Variants in ADD1 observed in about 807,000 individuals in gnomAD.
The protein encoded by ADD1 is adducin 1.
Under a neutral mutation model 80.5 loss-of-function variants are expected in ADD1, and 24 were observed. The ratio of observed to expected loss-of-function variants is 0.30; its 90% confidence interval spans 0.22 to 0.42. The LOEUF is 0.42. ADD1 is among the 10% of genes least tolerant of loss of function. The probability of loss-of-function intolerance (pLI) is 1.00; values close to 1 mark genes in which losing one functional copy is unlikely to be tolerated. For synonymous variants in ADD1, 373 were observed against 393.8 expected (o/e 0.95, Z 0.63); for missense variants, 948 against 1,019.0 (o/e 0.93, Z 0.95).
At position 2,844,985 on chromosome 4, in the gene ADD1, A is replaced by C. The variant is rs759523735; in HGVS notation, c.-21+961A>C. 8.6e-4 allele frequency among the ~76,000 whole-genome samples: 125 copies of C among 144,714 alleles called. 1 individual carries two copies. The highest frequency in any genetic ancestry group is 4.1e-4 in the Non-Finnish European group (28 of 67,996). The allele number at this position is 144,714 out of a possible 152,430, so 94.9% of individuals were successfully genotyped here. ...GATGAGTAGGAGTTCAACAGGCACC[A>C]GAGAGAGGAGGGCATTTCAGGCAGA... On this transcript the variant is annotated intron_variant, in intron 1 of 15. Transcript: ENST00000683351.
At chr4:2,907,293 C>T in intron 10 of ADD1, 1 of 155,896 alleles carries the variant, frequency 6.4e-6, no homozygotes, top group Non-Finnish European at 1.4e-5. Context: ...CCACTCTTGC[C>T]TCACGGTGCA....
chr4:2,904,690 A>G (rs1577657017), intron 9 of ADD1, 74 bp from the exon 10 acceptor site: 1 of 1,388,108 alleles, frequency 7.2e-7, no homozygotes, highest in Admixed American at 1.8e-5. Context: ...GGATGTTTCC[A>G]CATGATTTTC....
chr4:2,893,982 C>A (rs763204002), intron 4 of ADD1, 31 bp from the exon 5 acceptor site: 2 of 1,587,248 alleles, frequency 1.3e-6, no homozygotes. Flanking sequence ...TCACTTGGAT[C>A]TTTGAGCTAA....
At chr4:2,915,994 T>TC (rs1352784552) in intron 14 of ADD1, among the ~76,000 whole-genome samples, 3 of 151,940 alleles carry the variant, frequency 2.0e-5, no homozygotes, top group Non-Finnish European at 2.9e-5. Context: ...CGTGGTCCCA[T>TC]CCAGCAGCTG....
At position 2,852,258 on chromosome 4, in the gene ADD1, T is replaced by TTTCC. The variant is rs1206919938; in HGVS notation, c.-21+8254_-21+8257dup. ...TTCTTTCTTTCTTTCTCTTTCTTTC[T>TTTCC]TTCCTTCCTTCCTTCCTTCCTTCTT... On this transcript the variant is annotated intron_variant, in intron 1 of 15. Coordinates refer to ENST00000683351, the MANE Select transcript of ADD1 (RefSeq NM_001354761.2). Among the ~76,000 whole-genome samples, 104 of 145,398 alleles carry TTTCC rather than the reference T, an allele frequency of 7.2e-4. 3 individuals carry two copies. Among genetic ancestry groups the TTTCC allele is most frequent in the South Asian group, 5.1e-3 (24 of 4,674 alleles).
chr4:2,891,396 G>A (rs1269384685), intron 4 of ADD1, among the ~76,000 whole-genome samples: 1 of 152,000 alleles, frequency 6.6e-6, no homozygotes, highest in Non-Finnish European at 1.5e-5. Context: ...GTAGTGAGCT[G>A]AGATCGTGCC....
Position 2,885,831 on chromosome 4 carries a change from C to T in ADD1, c.510+1165C>T, listed in dbSNP as rs182455421. On this transcript the variant is annotated intron_variant, in intron 4 of 15. Coordinates refer to ENST00000683351, the MANE Select transcript of ADD1 (RefSeq NM_001354761.2). ...TTCACCGTGTTAGCCAGGATGGTCTCGATCTCCTGACCTTGTGATCCGCCC... is the reference window on the plus strand; with the variant it reads ...TTCACCGTGTTAGCCAGGATGGTCTTGATCTCCTGACCTTGTGATCCGCCC... Among the ~76,000 whole-genome samples, 359 of 152,126 alleles carry T rather than the reference C, an allele frequency of 2.4e-3. 1 individual carries two copies. Among genetic ancestry groups the T allele is most frequent in the South Asian group, 0.02 (95 of 4,828 alleles).
At chr4:2,908,993 A>C (rs1737539871) in intron 12 of ADD1, 1 of 442,604 alleles carries the variant, frequency 2.3e-6, no homozygotes, top group South Asian at 2.4e-5. Context: ...CTTGGGTTGC[A>C]GAGGGGTGGG....
At chr4:2,918,694 AC>A (rs1431072934) in intron 14 of ADD1, among the ~76,000 whole-genome samples, 1 of 151,988 alleles carries the variant, frequency 6.6e-6, no homozygotes, top group Non-Finnish European at 1.5e-5. Context: ...TTCCATCAAT[AC>A]CTAGTTTATT....
At chr4:2,901,710 G>A (rs912432774) in intron 9 of ADD1, 2 of 152,160 alleles carry the variant, frequency 1.3e-5, no homozygotes, top group Non-Finnish European at 2.9e-5. Flanking sequence ...CACTTCAGGA[G>A]GCTGAGGTGG....
Position 2,848,415 on chromosome 4 carries a change from G to T in ADD1, c.-21+4391G>T, listed in dbSNP as rs12503220. 5.6e-4 allele frequency among the ~76,000 whole-genome samples: 85 copies of T among 152,056 alleles called. 2 individuals are homozygous for T. The highest frequency in any genetic ancestry group is 1.9e-3 in the African/African-American group (78 of 41,472). ...TTTAAACAGTTGTTATAACTAATGT[G>T]TAACACTGTTTTTGATAACTGTCAG... On this transcript the variant is annotated intron_variant, in intron 1 of 15. Coordinates refer to ENST00000683351, the MANE Select transcript of ADD1 (RefSeq NM_001354761.2).
chr4:2,843,911 G>GGCGGGCCGCTGCT lies in ADD1; in HGVS notation c.-126_-114dup, dbSNP rs1725761037. On this transcript the variant is annotated 5_prime_UTR_variant, in exon 1 of 16. Transcript: ENST00000683351. The stretch of plus-strand genomic sequence containing the variant: ...GAGGGGCTGAGGGGCGGAGAGGCCT[G>GGCGGGCCGCTGCT]GCGGGCCGCTGCTGCGGGCCAGGGG... 2 of 152,704 alleles carry GGCGGGCCGCTGCT rather than the reference G, an allele frequency of 1.3e-5. No homozygotes were observed. The highest frequency in any genetic ancestry group is 1.9e-4 in the South Asian group (1 of 5,286). 9.5% of individuals were successfully genotyped at this position (152,704 alleles called of 1,614,324 possible). A position where few individuals can be genotyped will look rare whatever the true frequency, so the allele number is the denominator to read the frequency against.
At chr4:2,890,293 A>G (rs1734094942) in intron 4 of ADD1, among the ~76,000 whole-genome samples, 1 of 152,236 alleles carries the variant, frequency 6.6e-6, no homozygotes, top group Non-Finnish European at 1.5e-5. Context: ...GGAATTTCAC[A>G]GAAGGGGAAA....
At chr4:2,928,089 G>A (rs1008637348) in intron 15 of ADD1, 82 bp from the exon 16 acceptor site, 31 of 1,242,140 alleles carry the variant, frequency 2.5e-5, no homozygotes, top group South Asian at 1.3e-4. Flanking sequence ...TGGCAGTTTC[G>A]TGTGTGGGGC....
rs1277573295 is a variant in ADD1, at chr4:2,885,506, A to C, written c.510+840A>C. On this transcript the variant is annotated intron_variant, in intron 4 of 15. Transcript: ENST00000683351. Reference sequence around the variant, plus strand: ...TGTCACAGAAAAAATGGGTACCCTTACTGACATTTGTAGCCATTCTGTACT... The same window carrying C: ...TGTCACAGAAAAAATGGGTACCCTTCCTGACATTTGTAGCCATTCTGTACT... Among the ~76,000 whole-genome samples, 4 of 152,224 alleles carry C rather than the reference A, an allele frequency of 2.6e-5. No homozygotes were observed. The East Asian group carries it at 7.7e-4, about 29-fold the overall frequency.
At chr4:2,911,448 A>ATATATATATATATATATTTTTTTTTTTTT (rs553567632) in intron 13 of ADD1, among the ~76,000 whole-genome samples, 2 of 130,504 alleles carry the variant, frequency 1.5e-5, no homozygotes, top group African/African-American at 5.9e-5. Flanking sequence ...ATATATATAT[A>ATATATATATATATATATTTTTTTTTTTTT]TTTTTTTTTT....
chr4:2,921,220 AG>A (rs1459758261), intron 14 of ADD1, among the ~76,000 whole-genome samples: 1 of 151,950 alleles, frequency 6.6e-6, no homozygotes, highest in African/African-American at 2.4e-5. Context: ...CTCCGCCTCC[AG>A]GGTTCACACC....
intron 1 of ADD1, among the ~76,000 whole-genome samples, chr4:2,874,861 T>C (rs532902946): frequency 1.3e-5 from 2 of 152,294 alleles, no homozygotes; most frequent in East Asian, 3.9e-4. Flanking sequence ...ACATGCAGAA[T>C]TTCAGGCCCC....
intron 3 of ADD1, among the ~76,000 whole-genome samples, chr4:2,883,601 A>G (rs1476412487): frequency 1.3e-5 from 2 of 152,016 alleles, no homozygotes; most frequent in Non-Finnish European, 2.9e-5. Flanking sequence ...TGGCACGATC[A>G]CAGCTCACTA....
Sources: allele counts gnomAD v4.1 joint callset (sites outside exome capture counted in the v4.1 genomes callset), GRCh38; gene constraint gnomAD v4.1.1; transcripts MANE v1.5; gene names NCBI Gene and HGNC (gene_info 2026-07-23, HGNC 2026-07-21).